DPYSL2: variants seen among roughly 807,000 people sequenced by gnomAD.
DPYSL2 encodes dihydropyrimidinase-related protein 2.
A neutral mutation model predicts 69.9 loss-of-function variants in DPYSL2; 13 were observed. The ratio of observed to expected loss-of-function variants is 0.19; its 90% CI spans 0.12 to 0.30. The LOEUF is 0.30. Among genes scored for constraint, DPYSL2 ranks in the 10% least tolerant of loss-of-function variants. DPYSL2 has a pLI of 1.00. For missense variants in DPYSL2, 587 were observed against 918.9 expected, an observed-to-expected ratio of 0.64 and a Z score of 4.67; for synonymous variants, 326 against 359.1, an observed-to-expected ratio of 0.91 and a Z score of 1.04.
intron 3 of DPYSL2, among the ~76,000 whole-genome samples, chr8:26,592,663 G>C (rs1399125032): frequency 1.3e-5 from 2 of 151,254 alleles, no homozygotes; most frequent in Non-Finnish European, 2.9e-5. Flanking sequence ...ATTTAGTAGA[G>C]ATGGGGTTTC....
rs764961335 is a variant in DPYSL2, at chr8:26,624,129, C to T, written c.629-14C>T. The T allele has an allele frequency of 4.3e-6, 7 of 1,613,980 alleles. No homozygotes were observed. The highest frequency in any genetic ancestry group is 5.9e-6 in the Non-Finnish European group (7 of 1,179,938). Reference sequence around the variant, plus strand: ...GGCTCTTGGTGATGATGACATATGTCTGTTTCTTTCTAGTTGACCACGTTG... The same window carrying T: ...GGCTCTTGGTGATGATGACATATGTTTGTTTCTTTCTAGTTGACCACGTTG... On this transcript the variant is annotated splice_polypyrimidine_tract_variant and intron_variant, in intron 3 of 13. Coordinates refer to ENST00000521913, the MANE Select transcript of DPYSL2 (RefSeq NM_001197293.3). This position sits in a 1 kb window ranked among gnomAD's most constrained non-coding sequence, Gnocchi z 4.7.
chr8:26,604,564 G>C (rs1376253986), intron 3 of DPYSL2, among the ~76,000 whole-genome samples: 2 of 152,178 alleles, frequency 1.3e-5, no homozygotes, highest in Admixed American at 1.3e-4. Flanking sequence ...TGGTCTCCAT[G>C]GCCACTATGC....
rs145514184 is a variant in DPYSL2 at position 26,653,306 on chromosome 8, A to G, written c.1851A>G (p.Thr617=). ...GTGAAGTGTCTGTGACGCCCAAGACAGTCACTCCAGCCTCCTCGGCCAAGA... is the reference window on the plus strand; with the variant it reads ...GTGAAGTGTCTGTGACGCCCAAGACGGTCACTCCAGCCTCCTCGGCCAAGA... ...PVCEVSVTPK[T]VTPASSAKTS... is the part of the protein sequence containing the mutation. The change falls in exon 13 of 14, where the codon ACA becomes ACG. Residue 617 remains threonine (T), a synonymous_variant. Transcript: ENST00000521913. The surrounding 1 kb of genome is among the most constrained non-coding windows in gnomAD (Gnocchi z 5.7). 1.9e-5 allele frequency: 31 copies of G among 1,613,996 alleles called. No homozygotes were observed. Among genetic ancestry groups the G allele is most frequent in the Non-Finnish European group, 2.4e-5 (28 of 1,180,024 alleles).
In DPYSL2 at chr8:26,591,061, G is replaced by A. The variant is rs1308743111; in HGVS notation, c.628+7078G>A. On this transcript the variant is annotated intron_variant, in intron 3 of 13. Coordinates refer to ENST00000521913, the MANE Select transcript of DPYSL2 (RefSeq NM_001197293.3). This position sits in a 1 kb window ranked among gnomAD's most constrained non-coding sequence, Gnocchi z 5.8. Reference sequence around the variant, plus strand: ...GGCCCTGGGAGCTGGCAGTTACAGTGCTGGAAATGAGCCTGACTCACTGGG... The same window carrying A: ...GGCCCTGGGAGCTGGCAGTTACAGTACTGGAAATGAGCCTGACTCACTGGG... Among the ~76,000 whole-genome samples the A allele has an allele frequency of 6.6e-6, 1 of 152,188 alleles. No homozygotes were observed. Among genetic ancestry groups the A allele is most frequent in the Non-Finnish European group, 1.5e-5 (1 of 68,034 alleles).
chr8:26,636,174 CA>C (rs35539107), intron 8 of DPYSL2, among the ~76,000 whole-genome samples: 20,168 of 152,268 alleles, frequency 0.13, 1,576 homozygotes, highest in Non-Finnish European at 0.18. Context: ...AATAAGAAAG[CA>C]TTCACCTAAA....
Position 26,652,185 on chromosome 8 carries a change from A to G in DPYSL2, c.1597-72A>G. 1 of 1,442,704 alleles carries G rather than the reference A, an allele frequency of 6.9e-7. No homozygotes were observed. The highest frequency in any genetic ancestry group is 9.3e-7 in the Non-Finnish European group (1 of 1,074,804). The allele number at this position is 1,442,704 out of a possible 1,614,324, so 89.4% of individuals were successfully genotyped here. On this transcript the variant is annotated intron_variant, in intron 11 of 13. Transcript: ENST00000521913. This position sits in a 1 kb window ranked among gnomAD's most constrained non-coding sequence, Gnocchi z 6.3. ...TCTTTTGTCTCTGTGGGGTTGGGGCAGTGGGTGCTGCCGGGTGGATTGAGT... is the reference window on the plus strand; with the variant it reads ...TCTTTTGTCTCTGTGGGGTTGGGGCGGTGGGTGCTGCCGGGTGGATTGAGT...
At chr8:26,538,436 T>C (rs1009680796) in intron 1 of DPYSL2, among the ~76,000 whole-genome samples, 1 of 152,068 alleles carries the variant, frequency 6.6e-6, no homozygotes, top group South Asian at 2.1e-4. Flanking sequence ...TATAGGTAGG[T>C]ACCAAGAGCG....
rs142577363 is a variant in DPYSL2 at position 26,631,567 on chromosome 8, C to T, written c.1006-3213C>T. 1.6e-4 allele frequency among the ~76,000 whole-genome samples: 24 copies of T among 152,310 alleles called. No individual in the cohort carries two copies. In the East Asian group the frequency reaches 4.6e-3, roughly 29 times the overall value. On this transcript the variant is annotated intron_variant, in intron 7 of 13. Coordinates refer to ENST00000521913, the MANE Select transcript of DPYSL2 (RefSeq NM_001197293.3). ...GCTATTTCAACCAGAGAAATTGAAACCATTTTTACGTGATTAGGCCCAGCA... is the reference window on the plus strand; with the variant it reads ...GCTATTTCAACCAGAGAAATTGAAATCATTTTTACGTGATTAGGCCCAGCA...
chr8:26,572,958 A>G lies in DPYSL2; in HGVS notation c.355-9011A>G, dbSNP rs189764062. Among the ~76,000 whole-genome samples the G allele has an allele frequency of 2.4e-3, 369 of 152,318 alleles. 3 individuals carry two copies. The highest frequency in any genetic ancestry group is 8.5e-3 in the African/African-American group (353 of 41,574). Reference sequence around the variant, plus strand: ...ATCACACAGGGATGTACGAAGAATAATGGGAGGATGGAGTAAAGGACAGTT... The same window carrying G: ...ATCACACAGGGATGTACGAAGAATAGTGGGAGGATGGAGTAAAGGACAGTT... On this transcript the variant is annotated intron_variant, in intron 1 of 13. Transcript: ENST00000521913.
intron 1 of DPYSL2, among the ~76,000 whole-genome samples, chr8:26,532,724 G>T (rs1800531021): frequency 6.6e-6 from 1 of 152,182 alleles, no homozygotes; most frequent in African/African-American, 2.4e-5. Context: ...CGTGGTGAAT[G>T]AAATTCCATT....
chr8:26,618,822 A>G (rs1802417502), intron 3 of DPYSL2, among the ~76,000 whole-genome samples: 1 of 150,462 alleles, frequency 6.6e-6, no homozygotes, highest in African/African-American at 2.4e-5. Context: ...GCCGGGCATG[A>G]TGGCGCGCGC....
At chr8:26,527,848 G>C (rs558230068) in intron 1 of DPYSL2, among the ~76,000 whole-genome samples, 1 of 143,160 alleles carries the variant, frequency 7.0e-6, no homozygotes, top group South Asian at 2.2e-4. Context: ...TGTCACCCAG[G>C]CTGGAGTATA....
At chr8:26,547,010 A>G (rs999615909) in intron 1 of DPYSL2, among the ~76,000 whole-genome samples, 1 of 149,744 alleles carries the variant, frequency 6.7e-6, no homozygotes, top group Non-Finnish European at 1.5e-5. Flanking sequence ...CAGATGATTG[A>G]GGTCACAAGG....
intron 1 of DPYSL2, among the ~76,000 whole-genome samples, chr8:26,519,390 A>T (rs920373075): frequency 2.0e-5 from 3 of 152,226 alleles, no homozygotes; most frequent in Non-Finnish European, 4.4e-5. Flanking sequence ...TGATAGTCCC[A>T]GGACTGGGAG....
Position 26,598,669 on chromosome 8 carries a change from A to G in DPYSL2, c.628+14686A>G, listed in dbSNP as rs1801920773. 6.6e-6 allele frequency among the ~76,000 whole-genome samples: 1 copy of G among 152,204 alleles called. No individual in the cohort carries two copies. Among genetic ancestry groups the G allele is most frequent in the Admixed American group, 6.5e-5 (1 of 15,278 alleles). ...CTTACAGCACAAAGTACTTTGAAAT[A>G]AAGATTGGCTCGCAGGGCAGGTTGA... is the stretch of plus-strand genomic sequence containing the variant. On this transcript the variant is annotated intron_variant, in intron 3 of 13. Coordinates refer to ENST00000521913, the MANE Select transcript of DPYSL2 (RefSeq NM_001197293.3). This position sits in a 1 kb window ranked among gnomAD's most constrained non-coding sequence, Gnocchi z 4.2.
Position 26,653,446 on chromosome 8 carries a change from G to T in DPYSL2, c.1942+49G>T. The T allele has an allele frequency of 6.4e-7, 1 of 1,557,036 alleles. No homozygotes were observed. Among genetic ancestry groups the T allele is most frequent in the Non-Finnish European group, 8.7e-7 (1 of 1,148,066 alleles). On this transcript the variant is annotated intron_variant, in intron 13 of 13. Coordinates refer to ENST00000521913, the MANE Select transcript of DPYSL2 (RefSeq NM_001197293.3). The surrounding 1 kb of genome is among the most constrained non-coding windows in gnomAD (Gnocchi z 5.7). ...CACAGTTCTGCAGGGCCAGCTCGCT[G>T]GTGCTGGCGAGGCTACAGTTGCATT... is the stretch of plus-strand genomic sequence containing the variant.
rs140810137 is a variant in DPYSL2, at chr8:26,631,588, C to T, written c.1006-3192C>T. ...GAAACCATTTTTACGTGATTAGGCC[C>T]AGCAGCTGTTGCCCTGAGAACTTCA... is the stretch of plus-strand genomic sequence containing the variant. On this transcript the variant is annotated intron_variant, in intron 7 of 13. Transcript: ENST00000521913. Among the ~76,000 whole-genome samples, 8 of 152,272 alleles carry T rather than the reference C, an allele frequency of 5.3e-5. No homozygotes were observed. In the East Asian group the frequency reaches 1.5e-3, roughly 29 times the overall value.
At chr8:26,611,236 A>G (rs527305708) in intron 3 of DPYSL2, among the ~76,000 whole-genome samples, 2 of 152,354 alleles carry the variant, frequency 1.3e-5, no homozygotes, top group African/African-American at 4.8e-5. Context: ...GAAAGTTCCC[A>G]GGGGACAGTT....
intron 3 of DPYSL2, among the ~76,000 whole-genome samples, chr8:26,596,740 A>G (rs1801870116): frequency 6.6e-6 from 1 of 152,254 alleles, no homozygotes; most frequent in Admixed American, 6.5e-5. Flanking sequence ...GCCTGAAGCC[A>G]CAGAGCCTGC....
Sources: allele counts gnomAD v4.1 joint callset (sites outside exome capture counted in the v4.1 genomes callset), GRCh38; gene constraint gnomAD v4.1.1; non-coding constraint Gnocchi (gnomAD v3.1); transcripts MANE v1.5; gene names NCBI Gene and HGNC (gene_info 2026-07-23, HGNC 2026-07-21).